CEP85L: variants seen among roughly 807,000 people sequenced by gnomAD.
CEP85L encodes centrosomal protein 85L.
A neutral mutation model predicts 100.3 loss-of-function variants in CEP85L; 60 were observed. The observed-to-expected ratio is 0.60, with a 90% CI of 0.49 to 0.74. CEP85L has a LOEUF of 0.74. Ranked by LOEUF, CEP85L falls within the 30% of genes least tolerant of loss-of-function variation. CEP85L has a pLI of 0.00. For missense variants in CEP85L, 973 were observed against 936.2 expected (o/e 1.04, Z -0.51); for synonymous variants, 319 against 322.7 (o/e 0.99, Z 0.12).
At chr6:118,528,464 C>G (rs961015452) in intron 3 of CEP85L, among the ~76,000 whole-genome samples, 2 of 152,036 alleles carry the variant, frequency 1.3e-5, no homozygotes, top group African/African-American at 4.8e-5. Flanking sequence ...AAATTGAGAG[C>G]TCTGAAACTG....
At chr6:118,609,947 T>C (rs1357549921) in intron 2 of CEP85L, among the ~76,000 whole-genome samples, 2 of 151,776 alleles carry the variant, frequency 1.3e-5, no homozygotes, top group African/African-American at 2.4e-5. Context: ...GAAATATCAC[T>C]TCAGATAAGT....
intron 1 of CEP85L, among the ~76,000 whole-genome samples, chr6:118,703,011 A>G (rs1184354334): frequency 6.6e-6 from 1 of 151,896 alleles, no homozygotes; most frequent in African/African-American, 2.4e-5. Flanking sequence ...AAAAAAAAAA[A>G]AAAAGAGCTA....
rs1386132966 is a variant in CEP85L, at chr6:118,616,902, G to A, written c.232+15551C>T. 4.0e-5 allele frequency among the ~76,000 whole-genome samples: 6 copies of A among 148,234 alleles called. No individual in the cohort carries two copies. In the East Asian group the frequency reaches 1.2e-3, roughly 30 times the overall value. On this transcript the variant is annotated intron_variant, in intron 2 of 12. Coordinates refer to ENST00000368491, the MANE Select transcript of CEP85L (RefSeq NM_001042475.3). ...GGAGCTTGCAGTGAACCATGATAGT[G>A]CCACTGCACTCCAGCCTGGGCAAGA...
chr6:118,525,782 C>G (rs1003136740), intron 3 of CEP85L, among the ~76,000 whole-genome samples: 4 of 152,170 alleles, frequency 2.6e-5, no homozygotes, highest in African/African-American at 9.7e-5. Flanking sequence ...TCTCTAGGAA[C>G]CTAGTATAAC....
chr6:118,548,424 TCTTA>T (rs1308038464), intron 3 of CEP85L: 1 of 152,152 alleles, frequency 6.6e-6, no homozygotes, highest in Non-Finnish European at 1.5e-5. Context: ...CTTTGGTAAT[TCTTA>T]CTTTCTATAA....
intron 1 of CEP85L, among the ~76,000 whole-genome samples, chr6:118,679,375 A>G (rs1307546163): frequency 6.6e-6 from 1 of 152,256 alleles, no homozygotes; most frequent in Non-Finnish European, 1.5e-5. Context: ...CTAACCAGGA[A>G]GTAATGTGCA....
At position 118,565,534 on chromosome 6, in the gene CEP85L, T is replaced by C. The variant is rs756289789; in HGVS notation, c.1015A>G (p.Met339Val). Residue 339 changes from methionine to valine, a missense_variant, in exon 3 of 13, where the codon ATG becomes GTG. Transcript: ENST00000368491. The stretch of plus-strand genomic sequence containing the variant: ...CACTAGATTTTGCACCTTACCTGCA[T>C]TGGTGTTTCACTTCCTTGTCGAAAG... ...EDFRQGSETP[M>V]QVLTGSSRQS... The C allele has an allele frequency of 8.4e-5, 135 of 1,614,020 alleles. No homozygotes were observed. The highest frequency in any genetic ancestry group is 1.3e-4 in the East Asian group (6 of 44,892).
chr6:118,670,970 A>C (rs911341738), intron 1 of CEP85L, among the ~76,000 whole-genome samples: 27 of 151,622 alleles, frequency 1.8e-4, no homozygotes, highest in African/African-American at 5.8e-4. Context: ...AAAAAAAAAA[A>C]CACTGTGTTT....
intron 2 of CEP85L, among the ~76,000 whole-genome samples, chr6:118,598,727 A>AG (rs1781576725): frequency 6.6e-6 from 1 of 152,232 alleles, no homozygotes; most frequent in Non-Finnish European, 1.5e-5. Context: ...CAAAACTGTG[A>AG]GAAAAAATAT....
At position 118,602,161 on chromosome 6, in the gene CEP85L, A is replaced by C. The variant is rs963275117; in HGVS notation, c.232+30292T>G. ...AATAGGGGCAATGATATTCCTGCCT[A>C]AGTATGAGGGTCTCTTGCACTCAGG... On this transcript the variant is annotated intron_variant, in intron 2 of 12. Coordinates refer to ENST00000368491, the MANE Select transcript of CEP85L (RefSeq NM_001042475.3). Among the ~76,000 whole-genome samples the C allele has an allele frequency of 2.6e-5, 4 of 152,310 alleles. No homozygotes were observed. The Middle Eastern group carries it at 0.01, about 389-fold the overall frequency.
chr6:118,644,504 C>T (rs1775063270), intron 1 of CEP85L, among the ~76,000 whole-genome samples: 1 of 152,140 alleles, frequency 6.6e-6, no homozygotes, highest in Admixed American at 6.5e-5. Context: ...CAACATCTCA[C>T]CTGAATTTCT....
intron 2 of CEP85L, among the ~76,000 whole-genome samples, chr6:118,567,247 GTGTATATATATATATATATA>G (rs912770465): frequency 9.4e-5 from 3 of 31,912 alleles, no homozygotes; most frequent in African/African-American, 3.0e-4. Context: ...GTGTGTGTGT[GTGTATATATATATATATATA>G]TATATATATA....
intron 2 of CEP85L, among the ~76,000 whole-genome samples, chr6:118,620,354 G>A (rs1773359263): frequency 6.6e-6 from 1 of 152,188 alleles, no homozygotes; most frequent in South Asian, 2.1e-4. Flanking sequence ...AGCAAGATAA[G>A]AGAAAGACCG....
At chr6:118,513,669 TA>T (rs1776099121) in intron 4 of CEP85L, among the ~76,000 whole-genome samples, 1 of 151,798 alleles carries the variant, frequency 6.6e-6, no homozygotes, top group Non-Finnish European at 1.5e-5. Flanking sequence ...CCACAGAAAA[TA>T]TTTTTTTAAA....
intron 10 of CEP85L, among the ~76,000 whole-genome samples, chr6:118,478,927 G>A (rs1250499814): frequency 6.6e-6 from 1 of 152,112 alleles, no homozygotes; most frequent in Non-Finnish European, 1.5e-5. Flanking sequence ...AGTCATTAAA[G>A]TTTCAATGCC....
intron 2 of CEP85L, among the ~76,000 whole-genome samples, chr6:118,607,242 C>T (rs964660309): frequency 4.6e-5 from 7 of 152,020 alleles, no homozygotes; most frequent in Non-Finnish European, 8.8e-5. Context: ...GGTCTCTGGG[C>T]AAGATGGTCA....
chr6:118,482,035 A>C (rs916713576), intron 7 of CEP85L, 102 bp from the exon 8 acceptor site: 20 of 223,126 alleles, frequency 9.0e-5, no homozygotes, highest in East Asian at 3.6e-4. Flanking sequence ...TTGTAGCTAA[A>C]AAAAAAAAAA....
intron 1 of CEP85L, among the ~76,000 whole-genome samples, chr6:118,638,399 TCA>T (rs978569941): frequency 3.9e-4 from 60 of 151,952 alleles, no homozygotes; most frequent in African/African-American, 1.4e-3. Context: ...CTGAAAAAAT[TCA>T]CAGTCTGAAA....
At chr6:118,582,710 T>G (rs905101132) in intron 2 of CEP85L, among the ~76,000 whole-genome samples, 9 of 152,212 alleles carry the variant, frequency 5.9e-5, no homozygotes, top group Non-Finnish European at 1.3e-4. Context: ...CCCACAGCCT[T>G]TATGGAAAGG....
Sources: gnomAD v4.1 joint callset for allele counts (sites outside exome capture counted in the v4.1 genomes callset) on GRCh38, gnomAD v4.1.1 for gene constraint, MANE v1.5 for transcripts, NCBI Gene and HGNC (gene_info 2026-07-23, HGNC 2026-07-21) for gene names.